Variants in THSD7B observed in about 807,000 individuals in gnomAD.
THSD7B encodes thrombospondin type-1 domain-containing protein 7B.
A neutral mutation model predicts 213.6 loss-of-function variants in THSD7B; 138 were observed. The ratio of observed to expected loss-of-function variants is 0.65; its 90% CI spans 0.56 to 0.74. The LOEUF is 0.74. THSD7B is among the 30% of genes least tolerant of loss of function. The pLI is 0.00. For missense variants in THSD7B, 1,931 were observed against 1,991.5 expected (o/e 0.97, Z 0.58); for synonymous variants, 742 against 687.0 (o/e 1.08, Z -1.25).
chr2:136,856,145 G>A (rs187781101), intron 1 of THSD7B, among the ~76,000 whole-genome samples: 4 of 152,270 alleles, frequency 2.6e-5, no homozygotes, highest in Admixed American at 6.5e-5. Context: ...TGAAGAGCAG[G>A]GCACTTCTGT....
intron 7 of THSD7B, among the ~76,000 whole-genome samples, chr2:137,198,169 A>G (rs1318410511): frequency 6.6e-6 from 1 of 152,206 alleles, no homozygotes; most frequent in Non-Finnish European, 1.5e-5. Flanking sequence ...TTTATCAGAA[A>G]TTCTTCAGAG....
chr2:136,974,305 G>A (rs924408477), intron 2 of THSD7B, among the ~76,000 whole-genome samples: 21 of 152,056 alleles, frequency 1.4e-4, no homozygotes, highest in Non-Finnish European at 2.5e-4. Context: ...TAGGTATTAA[G>A]CCCAGCATGC....
At chr2:136,821,983 A>G (rs1266063030) in intron 1 of THSD7B, among the ~76,000 whole-genome samples, 1 of 152,178 alleles carries the variant, frequency 6.6e-6, no homozygotes, top group African/African-American at 2.4e-5. Context: ...AACTAGGAAC[A>G]TAATGAAATA....
intron 10 of THSD7B, among the ~76,000 whole-genome samples, chr2:137,271,625 C>G (rs571030408): frequency 6.6e-6 from 1 of 151,632 alleles, no homozygotes; most frequent in African/African-American, 2.4e-5. Flanking sequence ...CTTCTATACC[C>G]ACCTAGCACC....
chr2:137,221,423 C>T (rs1202252803), intron 7 of THSD7B, among the ~76,000 whole-genome samples: 1 of 151,734 alleles, frequency 6.6e-6, no homozygotes, highest in South Asian at 2.1e-4. Flanking sequence ...GGATACAAGA[C>T]TGTGCATTTG....
chr2:137,472,547 A>G (rs1355679587), intron 15 of THSD7B, among the ~76,000 whole-genome samples: 1 of 152,222 alleles, frequency 6.6e-6, no homozygotes, highest in Non-Finnish European at 1.5e-5. Context: ...TTGATATCTG[A>G]CTTCACAGAA....
chr2:137,033,166 C>T (rs1015487016), intron 2 of THSD7B, among the ~76,000 whole-genome samples: 29 of 152,152 alleles, frequency 1.9e-4, no homozygotes, highest in Admixed American at 1.6e-3. Context: ...GTATATGTGT[C>T]TACATGCCAG....
At chr2:137,459,172 C>A (rs1233028532) in intron 15 of THSD7B, among the ~76,000 whole-genome samples, 1 of 151,780 alleles carries the variant, frequency 6.6e-6, no homozygotes, top group East Asian at 1.9e-4. Context: ...AAAAAAAAAT[C>A]TAAAAAAGAA....
At chr2:137,143,973 A>G (rs1679642234) in intron 5 of THSD7B, among the ~76,000 whole-genome samples, 2 of 152,048 alleles carry the variant, frequency 1.3e-5, no homozygotes, top group Admixed American at 6.6e-5. Flanking sequence ...ATAAGAGTTT[A>G]TGGCTATAGG....
chr2:137,327,486 CTT>C (rs1038375320), intron 12 of THSD7B, among the ~76,000 whole-genome samples: 1 of 151,982 alleles, frequency 6.6e-6, no homozygotes, highest in Non-Finnish European at 1.5e-5. Context: ...CTCTGTTTTC[CTT>C]TTCTCTTTCT....
intron 17 of THSD7B, among the ~76,000 whole-genome samples, chr2:137,590,489 C>A (rs185341281): frequency 6.6e-6 from 1 of 152,036 alleles, no homozygotes; most frequent in Non-Finnish European, 1.5e-5. Context: ...TGATTGAATA[C>A]CCTGCATGTG....
In THSD7B at chr2:137,530,658, T is replaced by G. The variant is rs552808540; in HGVS notation, c.3139-32563T>G. Among the ~76,000 whole-genome samples, 52 of 151,972 alleles carry G rather than the reference T, an allele frequency of 3.4e-4. 1 individual carries two copies. In the South Asian group the frequency reaches 6.6e-3, roughly 19 times the overall value. ...AATTGGAAGTGCTAAAGGGGCAGTG[T>G]TATGGGGTGTTCTGGGGATAGCTGT... On this transcript the variant is annotated intron_variant, in intron 15 of 27. Coordinates refer to ENST00000409968, the MANE Select transcript of THSD7B (RefSeq NM_001316349.2).
intron 16 of THSD7B, among the ~76,000 whole-genome samples, chr2:137,565,922 G>T (rs1414757625): frequency 2.0e-5 from 3 of 152,050 alleles, no homozygotes; most frequent in African/African-American, 7.2e-5. Flanking sequence ...GTGAAATCTG[G>T]GGAACACATT....
intron 1 of THSD7B, among the ~76,000 whole-genome samples, chr2:136,804,113 T>G (rs1403642602): frequency 3.9e-5 from 6 of 152,158 alleles, no homozygotes; most frequent in African/African-American, 1.4e-4. Flanking sequence ...AAAATACTCC[T>G]GTACAAAGCT....
intron 7 of THSD7B, among the ~76,000 whole-genome samples, chr2:137,174,899 G>T (rs1002752430): frequency 6.6e-6 from 1 of 152,162 alleles, no homozygotes; most frequent in African/African-American, 2.4e-5. Flanking sequence ...TGTAAATGGA[G>T]TGAGATTCAA....
At chr2:137,001,810 A>G (rs1686004816) in intron 2 of THSD7B, among the ~76,000 whole-genome samples, 1 of 152,050 alleles carries the variant, frequency 6.6e-6, no homozygotes, top group African/African-American at 2.4e-5. Context: ...TTTCTCCTCT[A>G]TTTATCAACC....
At chr2:137,605,648 C>CTTTTTTTTTTTTTTTT (rs34604281) in intron 17 of THSD7B, among the ~76,000 whole-genome samples, 6 of 69,016 alleles carry the variant, frequency 8.7e-5, no homozygotes, top group African/African-American at 2.8e-4. Flanking sequence ...GCACTTCGCA[C>CTTTTTTTTTTTTTTTT]TTTTTTTTTT....
In THSD7B at chr2:136,852,350, ACAAAAAAAC is replaced by A. The variant is rs1683111771; in HGVS notation, c.-35-29786_-35-29778del. 5.3e-5 allele frequency among the ~76,000 whole-genome samples: 8 copies of A among 152,044 alleles called. No individual in the cohort carries two copies. In the South Asian group the frequency reaches 1.7e-3, roughly 32 times the overall value. ...AAACAAAACAAAACAAAACAAAACA[ACAAAAAAAC>A]CAAAAAACCACAGGGGAGGATTTCA... On this transcript the variant is annotated intron_variant, in intron 1 of 27. Transcript: ENST00000409968.
intron 2 of THSD7B, among the ~76,000 whole-genome samples, chr2:136,943,619 T>C (rs1042592740): frequency 7.9e-5 from 12 of 152,340 alleles, no homozygotes; most frequent in African/African-American, 2.6e-4. Context: ...GGAGGGTGTA[T>C]GTGTTCAGGA....
Sources: allele counts gnomAD v4.1 joint callset (sites outside exome capture counted in the v4.1 genomes callset), GRCh38; gene constraint gnomAD v4.1.1; transcripts MANE v1.5; gene names NCBI Gene and HGNC (gene_info 2026-07-23, HGNC 2026-07-21).